LRP8: variants seen among roughly 807,000 people sequenced by gnomAD.
The protein encoded by LRP8 is low-density lipoprotein receptor-related protein 8.
A neutral mutation model predicts 111.6 loss-of-function variants in LRP8; 46 were observed. The observed-to-expected ratio is 0.41, with a 90% confidence interval of 0.33 to 0.53. LRP8 has a LOEUF of 0.53. Among genes scored for constraint, LRP8 ranks in the 20% least tolerant of loss-of-function variants. The pLI, the probability that LRP8 is intolerant of heterozygous loss-of-function variation, is 0.20. For synonymous variants in LRP8, 464 were observed against 511.2 expected, an observed-to-expected ratio of 0.91 and a Z score of 1.24; for missense variants, 959 against 1,297.4, an observed-to-expected ratio of 0.74 and a Z score of 4.01.
chr1:53,274,716 C>T (rs1646863001), intron 6 of LRP8: 1 of 456,182 alleles, frequency 2.2e-6, no homozygotes, highest in Non-Finnish European at 4.4e-6. Flanking sequence ...TTCAGAAGCT[C>T]ATCCGACCAG....
intron 2 of LRP8, among the ~76,000 whole-genome samples, chr1:53,325,921 A>G (rs1015591607): frequency 1.3e-5 from 2 of 152,028 alleles, no homozygotes; most frequent in Non-Finnish European, 1.5e-5. Flanking sequence ...CCGGAGCTAC[A>G]TTTCTTCCAC....
chr1:53,290,649 C>A (rs960158630), intron 2 of LRP8, among the ~76,000 whole-genome samples: 2 of 152,150 alleles, frequency 1.3e-5, no homozygotes, highest in Non-Finnish European at 2.9e-5. Context: ...TGTGTCTTGT[C>A]CTACGAGGAA....
chr1:53,253,352 A>C (rs1365942921), intron 16 of LRP8, among the ~76,000 whole-genome samples: 1 of 152,208 alleles, frequency 6.6e-6, no homozygotes, highest in Non-Finnish European at 1.5e-5. Context: ...TTTGTAACAT[A>C]TATTTTAAAG....
At chr1:53,322,337 C>A (rs781251327) in intron 2 of LRP8, among the ~76,000 whole-genome samples, 4 of 152,118 alleles carry the variant, frequency 2.6e-5, no homozygotes, top group Non-Finnish European at 5.9e-5. Flanking sequence ...AGCCTGGAGG[C>A]AATGGGGTGT....
Position 53,270,801 on chromosome 1 carries a change from T to C in LRP8, c.1252+227A>G, listed in dbSNP as rs573715707. Reference sequence around the variant, plus strand: ...TGGGTCAGCCTGCTCCTGTCTTAGATTGTACTCTTATCTCCTTAATAAACC... The same window carrying C: ...TGGGTCAGCCTGCTCCTGTCTTAGACTGTACTCTTATCTCCTTAATAAACC... On this transcript the variant is annotated intron_variant, in intron 8 of 18. Transcript: ENST00000306052. Among the ~76,000 whole-genome samples the C allele has an allele frequency of 1.6e-4, 24 of 152,356 alleles. No homozygotes were observed. In the East Asian group the frequency reaches 4.0e-3, roughly 26 times the overall value.
rs1217790370 is a variant in LRP8, at chr1:53,249,596, C to T, written c.2677-40G>A. 1.3e-6 allele frequency: 2 copies of T among 1,536,774 alleles called. No individual in the cohort carries two copies. The highest frequency in any genetic ancestry group is 1.8e-6 in the Non-Finnish European group (2 of 1,141,152). On this transcript the variant is annotated intron_variant, in intron 17 of 18. Coordinates refer to ENST00000306052, the MANE Select transcript of LRP8 (RefSeq NM_004631.5). This position sits in a 1 kb window ranked among gnomAD's most constrained non-coding sequence, Gnocchi z 4.1. The stretch of plus-strand genomic sequence containing the variant: ...GCACTGTGGATGACCTCTGAGGTCA[C>T]ACTCAGCCCCCTGACTGTGCTGTAT...
In LRP8 at chr1:53,275,902, G is replaced by T. The variant is rs112320983; in HGVS notation, c.884-149C>A. On this transcript the variant is annotated intron_variant, in intron 5 of 18. Coordinates refer to ENST00000306052, the MANE Select transcript of LRP8 (RefSeq NM_004631.5). The surrounding 1 kb of genome is among the most constrained non-coding windows in gnomAD (Gnocchi z 4.4). The stretch of plus-strand genomic sequence containing the variant: ...AGTCCTCAAAGGACACCTGGCCAAG[G>T]CACCTCAGTGTACAGATGGGGAGAC... 1.1e-6 allele frequency: 1 copy of T among 947,536 alleles called. No homozygotes were observed. Among genetic ancestry groups the T allele is most frequent in the Non-Finnish European group, 1.6e-6 (1 of 640,262 alleles). 58.7% of individuals were successfully genotyped at this position (947,536 alleles called of 1,614,324 possible).
rs267598647 is a variant in LRP8, at chr1:53,264,168, C to T, written c.1655+1G>A. ...ATGGGAAGTTCAGTTGGGACACTCA[C>T]CCTCGCAGGGGGTCAACAGCGATGG... On this transcript the variant is annotated splice_donor_variant, in intron 10 of 18. Coordinates refer to ENST00000306052, the MANE Select transcript of LRP8 (RefSeq NM_004631.5). LOFTEE classifies it high-confidence loss of function. 1 of 1,613,938 alleles carries T rather than the reference C, an allele frequency of 6.2e-7. No individual in the cohort carries two copies. The highest frequency in any genetic ancestry group is 8.5e-7 in the Non-Finnish European group (1 of 1,179,892).
Position 53,277,096 on chromosome 1 carries a change from C to T in LRP8, c.497-18G>A. The T allele has an allele frequency of 1.4e-6, 2 of 1,467,460 alleles. No individual in the cohort carries two copies. The highest frequency in any genetic ancestry group is 2.4e-4 in the Middle Eastern group (1 of 4,166). 90.9% of individuals were successfully genotyped at this position (1,467,460 alleles called of 1,614,324 possible). A position where few individuals can be genotyped will look rare whatever the true frequency, so the allele number is the denominator to read the frequency against. On this transcript the variant is annotated intron_variant, in intron 4 of 18. Transcript: ENST00000306052. ...GGCGCACACTGCGCGGGACAGAGAGCCGGTCGGCCCGCCGACCCCCTCCCC... is the reference window on the plus strand; with the variant it reads ...GGCGCACACTGCGCGGGACAGAGAGTCGGTCGGCCCGCCGACCCCCTCCCC...
At position 53,275,512 on chromosome 1, in the gene LRP8, T is replaced by G. The variant is rs1646889497; in HGVS notation, c.1006+119A>C. On this transcript the variant is annotated intron_variant, in intron 6 of 18. Transcript: ENST00000306052. The surrounding 1 kb of genome is among the most constrained non-coding windows in gnomAD (Gnocchi z 4.4). Reference sequence around the variant, plus strand: ...GGTGATTTAGGGGCAAGTGATGCTCTGGGGGAAAATGCATCTTGGGGACCA... The same window carrying G: ...GGTGATTTAGGGGCAAGTGATGCTCGGGGGGAAAATGCATCTTGGGGACCA... The G allele has an allele frequency of 5.9e-6, 8 of 1,364,890 alleles. No homozygotes were observed. The South Asian group carries it at 1.1e-4, about 18-fold the overall frequency. The allele number at this position is 1,364,890 out of a possible 1,614,324, so 84.5% of individuals were successfully genotyped here.
chr1:53,326,065 G>A (rs1460423743), intron 2 of LRP8, among the ~76,000 whole-genome samples: 1 of 152,226 alleles, frequency 6.6e-6, no homozygotes, highest in African/African-American at 2.4e-5. Flanking sequence ...CGTGGCCTCG[G>A]GCTTCTCGGG....
chr1:53,256,580 G>GA (rs1490863913), intron 15 of LRP8, among the ~76,000 whole-genome samples: 4 of 152,190 alleles, frequency 2.6e-5, no homozygotes, highest in Non-Finnish European at 5.9e-5. Flanking sequence ...CCATGTAGGG[G>GA]AAAAAATTAA....
chr1:53,279,346 C>T lies in LRP8; in HGVS notation c.496+1241G>A, dbSNP rs962665476. Among the ~76,000 whole-genome samples the T allele has an allele frequency of 6.6e-6, 1 of 152,166 alleles. No homozygotes were observed. The highest frequency in any genetic ancestry group is 2.4e-5 in the African/African-American group (1 of 41,442). On this transcript the variant is annotated intron_variant, in intron 4 of 18. Transcript: ENST00000306052. This position sits in a 1 kb window ranked among gnomAD's most constrained non-coding sequence, Gnocchi z 4.4. Reference sequence around the variant, plus strand: ...TTAATGGGGAATGTTCCTATTCCAACATGCCCTAGTTGGAGAGACTCCCAT... The same window carrying T: ...TTAATGGGGAATGTTCCTATTCCAATATGCCCTAGTTGGAGAGACTCCCAT...
intron 2 of LRP8, among the ~76,000 whole-genome samples, chr1:53,325,143 C>T (rs889579903): frequency 2.0e-5 from 3 of 152,214 alleles, no homozygotes; most frequent in African/African-American, 4.8e-5. Context: ...AGGAAACTCA[C>T]TGCAATATTT....
chr1:53,267,127 G>A (rs1349654259), intron 8 of LRP8: 4 of 160,924 alleles, frequency 2.5e-5, no homozygotes, highest in South Asian at 1.8e-4. Context: ...GGGCCCTACT[G>A]CTGTGGTTCA....
intron 2 of LRP8, among the ~76,000 whole-genome samples, chr1:53,301,508 G>GCC (rs1002583522): frequency 1.3e-5 from 2 of 152,152 alleles, no homozygotes; most frequent in African/African-American, 4.8e-5. Flanking sequence ...GATTACTTGA[G>GCC]CCCAGGAGTT....
rs748247605 is a variant in LRP8, at chr1:53,271,290, T to C, written c.1063A>G (p.Lys355Glu). 2.5e-6 allele frequency: 4 copies of C among 1,613,838 alleles called. No individual in the cohort carries two copies. In the South Asian group the frequency reaches 4.4e-5, roughly 18 times the overall value. The change falls in exon 7 of 19, where the codon AAG (lysine) becomes GAG (glutamate). Residue 355 changes from lysine (K) to glutamate (E), a missense_variant. By Grantham distance (56) the Lys-to-Glu change is moderately conservative (BLOSUM62 1). This residue lies in a region of LRP8 where 819 missense variants were observed against 1,097.6 expected (regional missense o/e 0.75). Transcript: ENST00000306052. ...GGCSHICTDL[K>E]IGFECTCPAG... Reference sequence around the variant, plus strand: ...GGGCACGTGCATTCAAAGCCAATCTTGAGGTCAGTGCAGATGTGTGAGCAG... The same window carrying C: ...GGGCACGTGCATTCAAAGCCAATCTCGAGGTCAGTGCAGATGTGTGAGCAG...
intron 2 of LRP8, among the ~76,000 whole-genome samples, chr1:53,321,631 C>G (rs1338067016): frequency 1.3e-5 from 2 of 152,182 alleles, no homozygotes; most frequent in Admixed American, 1.3e-4. Context: ...AGTCGGCCAC[C>G]AGCAGACAAC....
Position 53,300,618 on chromosome 1 carries a change from C to T in LRP8, c.245-10929G>A, listed in dbSNP as rs200758410. 1.2e-4 allele frequency among the ~76,000 whole-genome samples: 18 copies of T among 152,340 alleles called. No homozygotes were observed. The East Asian group carries it at 2.3e-3, about 20-fold the overall frequency. On this transcript the variant is annotated intron_variant, in intron 2 of 18. Transcript: ENST00000306052. ...AGACCTCAGGAGCCATCCACCAGACCGGACTAGGCTCAGAAGTCATCCCAG... is the reference window on the plus strand; with the variant it reads ...AGACCTCAGGAGCCATCCACCAGACTGGACTAGGCTCAGAAGTCATCCCAG...
Sources: gnomAD v4.1 joint callset for allele counts (sites outside exome capture counted in the v4.1 genomes callset) on GRCh38, gnomAD v4.1.1 for gene constraint, gnomAD v4.1.1 regional missense constraint, Gnocchi (gnomAD v3.1) non-coding constraint, MANE v1.5 for transcripts, NCBI Gene and HGNC (gene_info 2026-07-23, HGNC 2026-07-21) for gene names.